PI4KA: variants seen among roughly 807,000 people sequenced by gnomAD.
PI4KA encodes phosphatidylinositol 4-kinase alpha.
Under a neutral mutation model 271.4 loss-of-function variants are expected in PI4KA, and 122 were observed. That is an observed-to-expected ratio of 0.45 (90% CI 0.39 to 0.52). PI4KA has a LOEUF of 0.52. PI4KA is among the 20% of genes least tolerant of loss of function. The probability of loss-of-function intolerance (pLI) is 0.00; values close to 1 mark genes in which losing one functional copy is unlikely to be tolerated. For synonymous variants in PI4KA, 1,041 were observed against 1,078.8 expected, an observed-to-expected ratio of 0.96 and a Z score of 0.69; for missense variants, 1,969 against 2,769.1, an observed-to-expected ratio of 0.71 and a Z score of 6.48.
rs542819100 is a variant in PI4KA at position 20,846,188 on chromosome 22, C to G, written c.157-7457G>C. ...CTGAGGCAGGAGAATGGCATGAACC[C>G]GGGAGGCAGAGCTTGCAGTGAGCCA... On this transcript the variant is annotated intron_variant, in intron 1 of 54. Transcript: ENST00000255882. Among the ~76,000 whole-genome samples the G allele has an allele frequency of 1.1e-4, 16 of 143,330 alleles. No homozygotes were observed. The South Asian group carries it at 3.2e-3, about 29-fold the overall frequency. 94.0% of individuals were successfully genotyped at this position (143,330 alleles called of 152,430 possible). A position where few individuals can be genotyped will look rare whatever the true frequency, so the allele number is the denominator to read the frequency against.
chr22:20,756,784 T>C (rs1807532), intron 23 of PI4KA, among the ~76,000 whole-genome samples: 73,954 of 151,738 alleles, frequency 0.49, 18,530 homozygotes, highest in African/African-American at 0.59. Context: ...TCACCTGCCA[T>C]CACACCCAGC....
intron 19 of PI4KA, among the ~76,000 whole-genome samples, chr22:20,771,930 G>A (rs954839272): frequency 1.4e-4 from 22 of 152,074 alleles, no homozygotes; most frequent in Admixed American, 1.1e-3. Context: ...ATAGAAAAAG[G>A]TCAAACAAAG....
intron 2 of PI4KA, 119 bp from the exon 3 acceptor site, chr22:20,834,774 T>C (rs921748604): frequency 3.1e-6 from 2 of 652,606 alleles, no homozygotes; most frequent in Non-Finnish European, 5.4e-6. Context: ...TCAGAGATTC[T>C]CCAGGGATAA....
At chr22:20,749,807 C>T in intron 28 of PI4KA, 98 bp downstream of exon 28, 1 of 739,658 alleles carries the variant, frequency 1.4e-6, no homozygotes, top group Non-Finnish European at 2.5e-6. Context: ...TCCATTCACA[C>T]TAGTGCTATT....
Position 20,713,350 on chromosome 22 carries a change from C to T in PI4KA, c.5502G>A (p.Thr1834=), listed in dbSNP as rs371323798. 1.3e-5 allele frequency: 21 copies of T among 1,598,192 alleles called. No individual in the cohort carries two copies. The highest frequency in any genetic ancestry group is 1.5e-5 in the Non-Finnish European group (18 of 1,171,746). ...AGATCTTCTGGCCGTCGGCCTCCTG[C>T]GTGCTGCACTCATCCTCGGAGTCTG... is the stretch of plus-strand genomic sequence containing the variant. ...CRSDSEDECS[T]QEADGQKISW... Residue 1834 remains threonine (T), a synonymous_variant, in exon 48 of 55, where the codon ACG becomes ACA. Transcript: ENST00000255882.
At chr22:20,765,480 T>C (rs748946681) in intron 20 of PI4KA, 105 bp downstream of exon 20, 8 of 817,154 alleles carry the variant, frequency 9.8e-6, no homozygotes, top group Non-Finnish European at 1.7e-5. Flanking sequence ...CAGCTGCATG[T>C]GGACTCATTT....
At chr22:20,783,698 T>C (rs551762222) in intron 19 of PI4KA, among the ~76,000 whole-genome samples, 2 of 152,188 alleles carry the variant, frequency 1.3e-5, no homozygotes, top group South Asian at 2.1e-4. Flanking sequence ...GATGAAGAAA[T>C]AGAAGCGAGT....
chr22:20,779,321 C>G, intron 19 of PI4KA: 3 of 1,614,200 alleles, frequency 1.9e-6, no homozygotes, highest in Non-Finnish European at 2.5e-6. Flanking sequence ...AAATGAAACA[C>G]TCATTAAACG....
rs769028186 is a variant in PI4KA, at chr22:20,729,693, T to A, written c.4427A>T (p.Asn1476Ile). Residue 1476 changes from asparagine (N) to isoleucine (I), a missense_variant, in exon 38 of 55, where the codon AAC becomes ATC. Asn to Ile is a moderately radical substitution (Grantham distance 149). Around this residue, in one of 13 missense-constraint regions of PI4KA, gnomAD observed 388 missense variants for 521.5 expected, o/e 0.74. Coordinates refer to ENST00000255882, the MANE Select transcript of PI4KA (RefSeq NM_058004.4). ...SKKSGMSKKTNRGSQLHKYYM... is the reference protein window; with the variant it reads ...SKKSGMSKKTIRGSQLHKYYM... ...GTATTTGTGCAGCTGGGAGCCCCGG[T>A]TGGTTTTCTTAGACATGCCTAGGAG... 3.1e-6 allele frequency: 5 copies of A among 1,591,898 alleles called. No individual in the cohort carries two copies. The highest frequency in any genetic ancestry group is 4.3e-6 in the Non-Finnish European group (5 of 1,167,400).
chr22:20,833,440 T>C (rs1035235175), intron 3 of PI4KA, among the ~76,000 whole-genome samples: 8 of 152,166 alleles, frequency 5.3e-5, no homozygotes, highest in Non-Finnish European at 1.0e-4. Flanking sequence ...CCTGCCTCTA[T>C]GTGGGCATTG....
Position 20,799,282 on chromosome 22 carries a change from G to A in PI4KA, c.1821-6C>T. ...CGGGAATCAAGTGAGCGTCCCTACA[G>A]AAGGAAGAACAGAAGCGCCCTAGCA... On this transcript the variant is annotated splice_region_variant and splice_polypyrimidine_tract_variant and intron_variant, in intron 15 of 54. Coordinates refer to ENST00000255882, the MANE Select transcript of PI4KA (RefSeq NM_058004.4). The A allele has an allele frequency of 6.6e-7, 1 of 1,514,800 alleles. No individual in the cohort carries two copies. The highest frequency in any genetic ancestry group is 8.8e-7 in the Non-Finnish European group (1 of 1,135,158). The allele number at this position is 1,514,800 out of a possible 1,614,324, so 93.8% of individuals were successfully genotyped here.
chr22:20,747,454 C>A (rs1930239197), intron 29 of PI4KA, 129 bp downstream of exon 29: 4 of 917,174 alleles, frequency 4.4e-6, no homozygotes, highest in African/African-American at 3.3e-5. Flanking sequence ...CCATTGTCAA[C>A]AGACATCCAC....
intron 41 of PI4KA, 79 bp downstream of exon 41, chr22:20,727,151 T>C (rs1927450638): frequency 1.5e-6 from 2 of 1,345,446 alleles, no homozygotes; most frequent in Admixed American, 2.4e-5. Flanking sequence ...TGGCCAATGG[T>C]GGGGCCTGTG....
At chr22:20,786,398 G>A (rs753581043) in intron 19 of PI4KA, among the ~76,000 whole-genome samples, 4 of 152,178 alleles carry the variant, frequency 2.6e-5, no homozygotes, top group Non-Finnish European at 5.9e-5. Context: ...CCCCACTCCC[G>A]CTGACACCAG....
intron 42 of PI4KA, among the ~76,000 whole-genome samples, chr22:20,724,381 G>A (rs1482279241): frequency 6.6e-6 from 1 of 151,756 alleles, no homozygotes; most frequent in Non-Finnish European, 1.5e-5. Flanking sequence ...CAAGGCAGGT[G>A]AATCACCTGA....
At chr22:20,855,238 AC>A (rs1296678146) in intron 1 of PI4KA, among the ~76,000 whole-genome samples, 4 of 151,634 alleles carry the variant, frequency 2.6e-5, no homozygotes, top group African/African-American at 9.7e-5. Flanking sequence ...ATGTAGTAAA[AC>A]ACATATTATA....
intron 42 of PI4KA, chr22:20,725,326 C>A: frequency 5.1e-6 from 1 of 196,910 alleles, no homozygotes; most frequent in Admixed American, 4.9e-5. Context: ...TGTGGTCATT[C>A]CCATGGATAT....
intron 19 of PI4KA, among the ~76,000 whole-genome samples, chr22:20,778,601 A>G (rs1018725187): frequency 2.2e-4 from 34 of 152,202 alleles, no homozygotes; most frequent in African/African-American, 8.0e-4. Flanking sequence ...GTATCTTTAG[A>G]ATATGTTTTC....
rs186888955 is a variant in PI4KA at position 20,726,979 on chromosome 22, G to A, written c.4941+251C>T. On this transcript the variant is annotated intron_variant, in intron 41 of 54. Transcript: ENST00000255882. ...GTGTGCACAGCTGCCGCGCCGCCTCGTAATCAAACTCAAGTTAACTTTATG... is the reference window on the plus strand; with the variant it reads ...GTGTGCACAGCTGCCGCGCCGCCTCATAATCAAACTCAAGTTAACTTTATG... Among the ~76,000 whole-genome samples, 238 of 152,212 alleles carry A rather than the reference G, an allele frequency of 1.6e-3. 3 individuals are homozygous for A. The highest frequency in any genetic ancestry group is 0.014 in the Admixed American group (211 of 15,280).
Sources: gnomAD v4.1 joint callset for allele counts (sites outside exome capture counted in the v4.1 genomes callset) on GRCh38, gnomAD v4.1.1 for gene constraint, gnomAD v4.1.1 regional missense constraint, MANE v1.5 for transcripts, NCBI Gene and HGNC (gene_info 2026-07-23, HGNC 2026-07-21) for gene names.